The following TNS3 variants were observed in gnomAD, a reference collection of about 807,000 sequenced individuals.
The protein encoded by TNS3 is tensin-3.
Under a neutral mutation model 140.9 loss-of-function variants are expected in TNS3, and 45 were observed. That is an observed-to-expected ratio of 0.32 (90% CI 0.25 to 0.41). The LOEUF is 0.41. Among genes scored for constraint, TNS3 ranks in the 10% least tolerant of loss-of-function variants. TNS3 has a pLI of 1.00. For synonymous variants in TNS3, 815 were observed against 788.4 expected, an observed-to-expected ratio of 1.03 and a Z score of -0.56; for missense variants, 1,716 against 1,906.7, an observed-to-expected ratio of 0.90 and a Z score of 1.86.
intron 1 of TNS3, among the ~76,000 whole-genome samples, chr7:47,555,573 G>A (rs1041816673): frequency 5.3e-5 from 8 of 152,146 alleles, no homozygotes; most frequent in Non-Finnish European, 7.3e-5. Context: ...GTCAACTGAC[G>A]TGGCAAACTT....
chr7:47,310,738 A>C (rs1055354097), intron 20 of TNS3, among the ~76,000 whole-genome samples: 24 of 152,334 alleles, frequency 1.6e-4, no homozygotes, highest in African/African-American at 5.8e-4. Flanking sequence ...AAGTCCATTA[A>C]GAATAATCAA....
At chr7:47,470,811 C>T (rs1211353788) in intron 4 of TNS3, among the ~76,000 whole-genome samples, 1 of 152,172 alleles carries the variant, frequency 6.6e-6, no homozygotes, top group Admixed American at 6.5e-5. Flanking sequence ...TGCTGTTGAC[C>T]GTTCACAATT....
intron 12 of TNS3, among the ~76,000 whole-genome samples, chr7:47,412,639 G>A (rs983596764): frequency 1.3e-5 from 2 of 152,146 alleles, no homozygotes; most frequent in Non-Finnish European, 2.9e-5. Flanking sequence ...ATGGAAAGGA[G>A]CGAGAAAGAA....
At chr7:47,502,088 G>C (rs1798248025) in intron 3 of TNS3, among the ~76,000 whole-genome samples, 1 of 152,180 alleles carries the variant, frequency 6.6e-6, no homozygotes, top group Non-Finnish European at 1.5e-5. Flanking sequence ...GCACCAAAAA[G>C]AACACATGGA....
At chr7:47,579,465 C>T (rs1278299300) in intron 1 of TNS3, 1 of 152,192 alleles carries the variant, frequency 6.6e-6, no homozygotes, top group East Asian at 1.9e-4. Flanking sequence ...GAGGAAGCCT[C>T]GAAGCCTCAA....
chr7:47,322,524 A>C (rs1787801617), intron 20 of TNS3, among the ~76,000 whole-genome samples: 1 of 147,074 alleles, frequency 6.8e-6, no homozygotes, highest in Non-Finnish European at 1.5e-5. Flanking sequence ...TCCGTATCAA[A>C]CAAACAAACA....
chr7:47,343,688 T>A (rs1789152375), intron 20 of TNS3, among the ~76,000 whole-genome samples: 1 of 152,248 alleles, frequency 6.6e-6, no homozygotes, highest in South Asian at 2.1e-4. Flanking sequence ...ATCATGCTAA[T>A]GCATATTGGA....
chr7:47,546,369 C>T (rs908909078), intron 1 of TNS3, among the ~76,000 whole-genome samples: 3 of 152,166 alleles, frequency 2.0e-5, no homozygotes, highest in Admixed American at 6.5e-5. Flanking sequence ...CTGGACTGAG[C>T]TCCCAGGACC....
At chr7:47,291,856 G>T in intron 27 of TNS3, 99 bp downstream of exon 27, 1 of 1,316,462 alleles carries the variant, frequency 7.6e-7, no homozygotes, top group Non-Finnish European at 1.1e-6. Context: ...TCACAGAAAA[G>T]AAAGGAAACC....
chr7:47,571,551 T>C (rs1437850433), intron 1 of TNS3, among the ~76,000 whole-genome samples: 2 of 151,742 alleles, frequency 1.3e-5, no homozygotes, highest in African/African-American at 4.8e-5. Context: ...AAAACCAGTG[T>C]GTACAAATGA....
At chr7:47,290,337 T>C (rs1447613562) in intron 27 of TNS3, among the ~76,000 whole-genome samples, 3 of 152,134 alleles carry the variant, frequency 2.0e-5, no homozygotes, top group African/African-American at 7.2e-5. Context: ...AAAGTCACAA[T>C]CCATAAAACA....
chr7:47,573,719 C>G (rs796689600), intron 1 of TNS3, among the ~76,000 whole-genome samples: 15 of 152,242 alleles, frequency 9.9e-5, no homozygotes, highest in African/African-American at 3.6e-4. Flanking sequence ...CAGGCCTGCC[C>G]GGCCAGGGAC....
chr7:47,551,653 T>TCCA (rs1253548232), intron 1 of TNS3, among the ~76,000 whole-genome samples: 1 of 152,202 alleles, frequency 6.6e-6, no homozygotes, highest in Non-Finnish European at 1.5e-5. Flanking sequence ...CCCTGCTCTT[T>TCCA]CCACACCTGT....
chr7:47,507,071 G>C, intron 2 of TNS3, 127 bp from the exon 3 acceptor site: 1 of 680,226 alleles, frequency 1.5e-6, no homozygotes, highest in Non-Finnish European at 2.2e-6. Context: ...CCTCTCTCTG[G>C]CACGAGAGAG....
At chr7:47,471,806 G>C (rs1035954675) in intron 4 of TNS3, among the ~76,000 whole-genome samples, 1 of 152,228 alleles carries the variant, frequency 6.6e-6, no homozygotes, top group African/African-American at 2.4e-5. Flanking sequence ...TGAGGCTGGA[G>C]AGGTGTGAGC....
chr7:47,400,591 A>G, intron 14 of TNS3, 133 bp from the exon 15 acceptor site: 1 of 1,241,614 alleles, frequency 8.1e-7, no homozygotes, highest in Non-Finnish European at 1.1e-6. Context: ...ATGATACAGA[A>G]AGTATAGGCA....
intron 2 of TNS3, among the ~76,000 whole-genome samples, chr7:47,527,056 C>T (rs1799218857): frequency 7.2e-6 from 1 of 138,486 alleles, no homozygotes; most frequent in Non-Finnish European, 1.6e-5. Flanking sequence ...CATGGTGAAA[C>T]CCCATCTCTA....
intron 1 of TNS3, among the ~76,000 whole-genome samples, chr7:47,537,066 G>A (rs1319757024): frequency 2.0e-5 from 3 of 151,600 alleles, no homozygotes; most frequent in African/African-American, 4.8e-5. Context: ...TTCCGCGCGC[G>A]AACCCTCCCG....
At position 47,378,523 on chromosome 7, in the gene TNS3, A is replaced by G. The variant is rs73326549; in HGVS notation, c.1025-8902T>C. Among the ~76,000 whole-genome samples, 1,059 of 152,286 alleles carry G rather than the reference A, an allele frequency of 7.0e-3. 16 individuals carry two copies. Among genetic ancestry groups the G allele is most frequent in the African/African-American group, 0.024 (1,016 of 41,564 alleles). On this transcript the variant is annotated intron_variant, in intron 16 of 30. Coordinates refer to ENST00000311160, the MANE Select transcript of TNS3 (RefSeq NM_022748.12). ...CAGCTCAGGATCTTACCAGCTGTAA[A>G]ACAGTTTTCCCATCCCATACTTTGT... is the stretch of plus-strand genomic sequence containing the variant.
Sources: allele counts gnomAD v4.1 joint callset (sites outside exome capture counted in the v4.1 genomes callset), GRCh38; gene constraint gnomAD v4.1.1; transcripts MANE v1.5; gene names NCBI Gene and HGNC (gene_info 2026-07-23, HGNC 2026-07-21).